AACS: variants seen among roughly 807,000 people sequenced by gnomAD.
AACS encodes the protein acetoacetate-CoA ligase.
AACS carries 69 observed loss-of-function variants against 83.1 expected under a neutral mutation model. That is an observed-to-expected ratio of 0.83 (90% CI 0.68 to 1.01). AACS has a LOEUF of 1.01. AACS is among the 50% of genes least tolerant of loss of function. The pLI is 0.00. For missense variants in AACS, 866 were observed against 882.2 expected (o/e 0.98, Z 0.23); for synonymous variants, 333 against 343.4 (o/e 0.97, Z 0.33).
chr12:125,075,155 A>G lies in AACS; in HGVS notation c.237+1176A>G, dbSNP rs537452115. On this transcript the variant is annotated intron_variant, in intron 2 of 17. Transcript: ENST00000316519. ...ACGCCCAGCCAATTTTTGTATTTTT[A>G]GTAGAGATGGGGTTTCACCATGTTG... 7.6e-4 allele frequency among the ~76,000 whole-genome samples: 114 copies of G among 149,284 alleles called. 1 individual carries two copies. In the South Asian group the frequency reaches 0.013, roughly 17 times the overall value.
At chr12:125,123,454 C>T (rs1420631888) in intron 10 of AACS, 1 of 152,254 alleles carries the variant, frequency 6.6e-6, no homozygotes, top group Non-Finnish European at 1.5e-5. Flanking sequence ...CTCTAGGGTA[C>T]AGTGGTGGCT....
intron 10 of AACS, chr12:125,120,628 GAGGC>G (rs963226845): frequency 3.9e-5 from 6 of 152,118 alleles, no homozygotes; most frequent in Admixed American, 3.9e-4. Context: ...GTGTGTCGGG[GAGGC>G]AGGCACTGGG....
chr12:125,100,882 C>T (rs538036372), intron 5 of AACS: 3 of 152,322 alleles, frequency 2.0e-5, no homozygotes, highest in South Asian at 2.1e-4. Context: ...AAATGCCCGC[C>T]GCTCCTGACC....
chr12:125,110,515 G>A (rs183454165), intron 8 of AACS, among the ~76,000 whole-genome samples: 15 of 152,240 alleles, frequency 9.9e-5, no homozygotes, highest in Middle Eastern at 3.4e-3. Context: ...TGCTTGCGAC[G>A]CCGTGGCTCC....
chr12:125,124,384 C>A, intron 10 of AACS: 2 of 290,844 alleles, frequency 6.9e-6, no homozygotes, highest in South Asian at 1.7e-4. Context: ...ATTTTTATGG[C>A]CTCCTTTGGT....
chr12:125,117,988 GA>G (rs11398827), intron 9 of AACS: 231 of 144,672 alleles, frequency 1.6e-3, no homozygotes, highest in Middle Eastern at 3.6e-3. Context: ...TGTTTCAGGG[GA>G]AAAAAAAAAA....
chr12:125,080,023 G>C (rs1956131542), intron 3 of AACS, among the ~76,000 whole-genome samples: 1 of 152,150 alleles, frequency 6.6e-6, no homozygotes, highest in Non-Finnish European at 1.5e-5. Context: ...ATTGTAGCAT[G>C]GATCAGTACT....
rs751635240 is a variant in AACS, at chr12:125,136,840, C to T, written c.1857C>T (p.Leu619=). 2.5e-6 allele frequency: 4 copies of T among 1,613,658 alleles called. No homozygotes were observed. The highest frequency in any genetic ancestry group is 3.4e-6 in the Non-Finnish European group (4 of 1,180,012). ...MGLSARHVPS[L]ILETKGIPYT... ...TGTCTGCGCGACACGTGCCCAGCCT[C>T]ATCCTGGAAACCAAGGGCATCCCGG... is the stretch of plus-strand genomic sequence containing the variant. Residue 619 remains leucine, a synonymous_variant, in exon 17 of 18, where the codon CTC becomes CTT. Coordinates refer to ENST00000316519, the MANE Select transcript of AACS (RefSeq NM_023928.5).
In AACS at chr12:125,134,065, G is replaced by A. The variant is rs757577125; in HGVS notation, c.1612G>A (p.Gly538Ser). Residue 538 changes from glycine to serine, a missense_variant, in exon 15 of 18, where the codon GGC becomes AGC. By Grantham distance (56) the Gly-to-Ser change is moderately conservative (BLOSUM62 0). Transcript: ENST00000316519. ...NPKTGGIVML[G>S]RSDGTLNPNG... The stretch of plus-strand genomic sequence containing the variant: ...CAAGACCGGGGGCATCGTCATGCTT[G>A]GCCGGAGGTAAGGGCTGCAGAGTCG... The A allele has an allele frequency of 1.2e-5, 19 of 1,614,040 alleles. 2 individuals are homozygous for A. In the South Asian group the frequency reaches 2.1e-4, roughly 18 times the overall value.
intron 12 of AACS, chr12:125,125,701 A>G (rs1477630543): frequency 1.3e-5 from 2 of 152,278 alleles, no homozygotes; most frequent in East Asian, 1.9e-4. Context: ...AAAAATAGAC[A>G]CTACCTATAT....
At chr12:125,077,229 T>G (rs889195282) in intron 3 of AACS, among the ~76,000 whole-genome samples, 1 of 152,086 alleles carries the variant, frequency 6.6e-6, no homozygotes, top group Admixed American at 6.6e-5. Context: ...GTGCAGCTTT[T>G]AAAAATTTAT....
Position 125,136,804 on chromosome 12 carries a change from C to G in AACS, c.1821C>G (p.Ile607Met). Residue 607 changes from isoleucine to methionine, a missense_variant, in exon 17 of 18, where the codon ATC (isoleucine) becomes ATG (methionine). Ile to Met is a conservative substitution (Grantham distance 10). Transcript: ENST00000316519. Reference sequence around the variant, plus strand: ...TGGTTAAGAGGATCCGTGACGCCATCCGCATGGGCTTGTCTGCGCGACACG... The same window carrying G: ...TGGTTAAGAGGATCCGTGACGCCATGCGCATGGGCTTGTCTGCGCGACACG... ...PDLVKRIRDA[I>M]RMGLSARHVP... The G allele has an allele frequency of 6.2e-7, 1 of 1,614,112 alleles. No homozygotes were observed. Among genetic ancestry groups the G allele is most frequent in the Non-Finnish European group, 8.5e-7 (1 of 1,180,048 alleles).
intron 1 of AACS, among the ~76,000 whole-genome samples, chr12:125,067,619 T>C (rs1177162562): frequency 1.3e-5 from 2 of 152,068 alleles, no homozygotes; most frequent in Admixed American, 6.6e-5. Context: ...TTGCAACCTC[T>C]GCCTCCTGGG....
At position 125,118,668 on chromosome 12, in the gene AACS, G is replaced by A; in HGVS notation, c.1024G>A (p.Val342Met). The part of the protein sequence containing the change: ...TVGWMMWNWM[V>M]SLLATGAAMV... ...CGGCTGGATGATGTGGAACTGGATG[G>A]TGTCCCTTCTGGCCACAGGAGCGGC... Residue 342 changes from valine (V) to methionine (M), a missense_variant, in exon 10 of 18, where the codon GTG becomes ATG. Physicochemically the swap from Val to Met is conservative, Grantham distance 21. Coordinates refer to ENST00000316519, the MANE Select transcript of AACS (RefSeq NM_023928.5). The A allele has an allele frequency of 6.2e-7, 1 of 1,614,150 alleles. No homozygotes were observed. The highest frequency in any genetic ancestry group is 8.5e-7 in the Non-Finnish European group (1 of 1,180,022).
rs1278550205 is a variant in AACS at position 125,094,306 on chromosome 12, A to G, written c.570+2783A>G. Among the ~76,000 whole-genome samples, 2 of 152,230 alleles carry G rather than the reference A, an allele frequency of 1.3e-5. 1 individual carries two copies. Among genetic ancestry groups the G allele is most frequent in the Admixed American group, 1.3e-4 (2 of 15,286 alleles). On this transcript the variant is annotated intron_variant, in intron 5 of 17. Transcript: ENST00000316519. This position sits in a 1 kb window ranked among gnomAD's most constrained non-coding sequence, Gnocchi z 4.1. The stretch of plus-strand genomic sequence containing the variant: ...TCTTCAGAAACTGCAATGAAGCGTG[A>G]ATGTCTTCCCTTTGGAATCATGTTT...
intron 1 of AACS, among the ~76,000 whole-genome samples, chr12:125,068,128 C>G (rs10846820): frequency 0.61 from 92,268 of 152,012 alleles, 28,008 homozygotes; most frequent in South Asian, 0.69. Context: ...CAGGTCTCAT[C>G]TCCAGACACA....
chr12:125,095,510 G>A (rs1444349194), intron 5 of AACS, among the ~76,000 whole-genome samples: 1 of 152,158 alleles, frequency 6.6e-6, no homozygotes. Context: ...CGCCCTCCGG[G>A]GCTCTCCCAG....
chr12:125,096,539 A>C (rs1956612183), intron 5 of AACS, among the ~76,000 whole-genome samples: 1 of 152,132 alleles, frequency 6.6e-6, no homozygotes, highest in Non-Finnish European at 1.5e-5. Context: ...CTCACTTTGC[A>C]TAAGGGGTGG....
chr12:125,112,597 T>C (rs1040508292), intron 8 of AACS, among the ~76,000 whole-genome samples: 1 of 147,476 alleles, frequency 6.8e-6, no homozygotes, highest in African/African-American at 2.6e-5. Context: ...GGAGAATCAC[T>C]TGAACCCAGG....
Sources: gnomAD v4.1 joint callset for allele counts (sites outside exome capture counted in the v4.1 genomes callset) on GRCh38, gnomAD v4.1.1 for gene constraint, Gnocchi (gnomAD v3.1) non-coding constraint, MANE v1.5 for transcripts, NCBI Gene and HGNC (gene_info 2026-07-23, HGNC 2026-07-21) for gene names.